The following SLC4A8 variants were observed in gnomAD, a reference collection of about 807,000 sequenced individuals.
SLC4A8 encodes the protein solute carrier family 4 member 8.
A neutral mutation model predicts 125.0 loss-of-function variants in SLC4A8; 40 were observed. That is an observed-to-expected ratio of 0.32 (90% CI 0.25 to 0.42). The LOEUF is 0.42. Ranked by LOEUF, SLC4A8 falls within the 10% of genes least tolerant of loss-of-function variation. The pLI, the probability that SLC4A8 is intolerant of heterozygous loss-of-function variation, is 1.00. For synonymous variants in SLC4A8, 456 were observed against 476.0 expected (o/e 0.96, Z 0.55); for missense variants, 863 against 1,355.1 (o/e 0.64, Z 5.70).
At chr12:51,500,060 A>G (rs896364851) in intron 22 of SLC4A8, among the ~76,000 whole-genome samples, 11 of 152,218 alleles carry the variant, frequency 7.2e-5, no homozygotes, top group African/African-American at 2.7e-4. Flanking sequence ...GATGGTGGGC[A>G]TGGGTGAAAG....
intron 18 of SLC4A8, 40 bp downstream of exon 18, chr12:51,488,900 C>T (rs746251130): frequency 6.4e-7 from 1 of 1,568,368 alleles, no homozygotes; most frequent in Non-Finnish European, 8.7e-7. Flanking sequence ...CTGTGGCAAC[C>T]TGTTACATTT....
intron 1 of SLC4A8, among the ~76,000 whole-genome samples, chr12:51,398,841 C>T (rs1948317052): frequency 6.6e-6 from 1 of 152,204 alleles, no homozygotes; most frequent in South Asian, 2.1e-4. Flanking sequence ...TCTCTGCCTC[C>T]CGGGTTCAAG....
At chr12:51,392,293 G>C (rs1171769848) in intron 1 of SLC4A8, among the ~76,000 whole-genome samples, 1 of 152,152 alleles carries the variant, frequency 6.6e-6, no homozygotes, top group African/African-American at 2.4e-5. Flanking sequence ...AGAAATTTTG[G>C]CCGGGCGCGG....
rs116087518 is a variant in SLC4A8, at chr12:51,427,221, A to G, written c.48+2186A>G. Among the ~76,000 whole-genome samples, 1,359 of 152,166 alleles carry G rather than the reference A, an allele frequency of 8.9e-3. 17 individuals carry two copies. Among genetic ancestry groups the G allele is most frequent in the African/African-American group, 0.031 (1,289 of 41,512 alleles). ...CCAAAGTGCTGGGATTACAGACGTGAGCCACCGTGCCCGGCCCAGATTTTC... is the reference window on the plus strand; with the variant it reads ...CCAAAGTGCTGGGATTACAGACGTGGGCCACCGTGCCCGGCCCAGATTTTC... On this transcript the variant is annotated intron_variant, in intron 1 of 24. Transcript: ENST00000453097.
chr12:51,472,977 C>G (rs141611678), intron 14 of SLC4A8, among the ~76,000 whole-genome samples: 1 of 152,128 alleles, frequency 6.6e-6, no homozygotes, highest in African/African-American at 2.4e-5. Context: ...CCAGCACACA[C>G]ACAGTCTCCC....
chr12:51,467,968 T>C (rs1180635553), intron 11 of SLC4A8, among the ~76,000 whole-genome samples: 2 of 152,240 alleles, frequency 1.3e-5, no homozygotes, highest in Non-Finnish European at 2.9e-5. Flanking sequence ...TATGATTGTG[T>C]TAGCAACATC....
chr12:51,411,189 T>A lies in SLC4A8; in HGVS notation c.-112+19701T>A, dbSNP rs191404808. Among the ~76,000 whole-genome samples, 66 of 152,224 alleles carry A rather than the reference T, an allele frequency of 4.3e-4. No homozygotes were observed. In the East Asian group the frequency reaches 0.011, roughly 26 times the overall value. On this transcript the variant is annotated intron_variant, in intron 1 of 24. Transcript: ENST00000358657. ...CATTTATGCTTTTTCTCCTTCCCTG[T>A]CCCTTCCCTATGCAATAATTTGGTT...
At chr12:51,406,847 G>A (rs1948498352) in intron 1 of SLC4A8, among the ~76,000 whole-genome samples, 1 of 152,206 alleles carries the variant, frequency 6.6e-6, no homozygotes, top group African/African-American at 2.4e-5. Context: ...GCAGGGGACT[G>A]CAGCTAATGA....
At chr12:51,492,564 G>A (rs1231770627) in intron 19 of SLC4A8, among the ~76,000 whole-genome samples, 1 of 152,146 alleles carries the variant, frequency 6.6e-6, no homozygotes, top group African/African-American at 2.4e-5. Context: ...AGCTGCTTCA[G>A]GACAATTCTC....
chr12:51,424,049 A>ACCAAAC (rs1948866867), upstream of SLC4A8, among the ~76,000 whole-genome samples: 1 of 51,892 alleles, frequency 1.9e-5, no homozygotes, highest in Non-Finnish European at 4.2e-5. Context: ...AAAAAAAAAA[A>ACCAAAC]AAAACAAAAA....
At chr12:51,438,901 T>C (rs768867799) in intron 1 of SLC4A8, among the ~76,000 whole-genome samples, 1 of 150,690 alleles carries the variant, frequency 6.6e-6, no homozygotes, top group Non-Finnish European at 1.5e-5. Flanking sequence ...TTTTTTCATA[T>C]ATTTGTTGAC....
At chr12:51,422,495 C>A (rs1030958599), upstream of SLC4A8, among the ~76,000 whole-genome samples, 2 of 152,174 alleles carry the variant, frequency 1.3e-5, no homozygotes, top group Non-Finnish European at 2.9e-5. Context: ...GCTGGGACTG[C>A]AGGTGCATGC....
intron 1 of SLC4A8, among the ~76,000 whole-genome samples, chr12:51,412,797 G>A (rs549287528): frequency 6.5e-4 from 99 of 152,298 alleles, no homozygotes; most frequent in African/African-American, 2.2e-3. Flanking sequence ...TCAGTTGTGT[G>A]TAAATACATT....
intron 1 of SLC4A8, among the ~76,000 whole-genome samples, chr12:51,417,325 A>G (rs1948703807): frequency 6.6e-6 from 1 of 150,698 alleles, no homozygotes; most frequent in African/African-American, 2.4e-5. Flanking sequence ...ACAAGTGTGC[A>G]ACACCACGGC....
chr12:51,439,065 T>A (rs1024055420), intron 1 of SLC4A8, among the ~76,000 whole-genome samples: 6 of 152,264 alleles, frequency 3.9e-5, no homozygotes, highest in Admixed American at 6.5e-5. Flanking sequence ...AGACTTTTTT[T>A]ATTTTTTTTG....
chr12:51,469,711 C>T lies in SLC4A8; in HGVS notation c.1447C>T (p.Leu483=), dbSNP rs190045159. 57 of 1,614,138 alleles carry T rather than the reference C, an allele frequency of 3.5e-5. No homozygotes were observed. In the Admixed American group the frequency reaches 4.5e-4, roughly 13 times the overall value. ...ALSLQCLASF[L]FLYCACMSPV... is the part of the protein sequence containing the mutation. The stretch of plus-strand genomic sequence containing the variant: ...CAGCTTACAGTGTTTGGCTTCCTTT[C>T]TGTTCCTGTACTGTGCCTGCATGTC... The change falls in exon 12 of 25, where the codon CTG becomes TTG. Residue 483 remains leucine, a synonymous_variant. Transcript: ENST00000453097.
chr12:51,488,813 C>G lies in SLC4A8; in HGVS notation c.2401C>G (p.Gln801Glu). The G allele has an allele frequency of 6.2e-7, 1 of 1,613,742 alleles. No homozygotes were observed. The highest frequency in any genetic ancestry group is 8.5e-7 in the Non-Finnish European group (1 of 1,179,714). ...LLCTILIFMD[Q>E]QITAVIINRK... is the part of the protein sequence containing the mutation. The stretch of plus-strand genomic sequence containing the variant: ...CTGTACTATCTTGATATTCATGGAT[C>G]AGCAGATCACAGCCGTCATTATTAA... Residue 801 changes from glutamine (Q) to glutamate (E), a missense_variant, in exon 18 of 25, where the codon CAG (glutamine) becomes GAG (glutamate). This residue lies in a region of SLC4A8 where 197 missense variants were observed against 377.7 expected (regional missense o/e 0.52). Transcript: ENST00000453097.
chr12:51,423,926 C>T (rs1157419689), upstream of SLC4A8, among the ~76,000 whole-genome samples: 4 of 151,484 alleles, frequency 2.6e-5, no homozygotes, highest in African/African-American at 9.7e-5. Context: ...ATCCCAGCTA[C>T]TCAGGAGGCT....
chr12:51,469,405 AG>A (rs1950624556), intron 11 of SLC4A8, among the ~76,000 whole-genome samples: 2 of 152,138 alleles, frequency 1.3e-5, no homozygotes, highest in African/African-American at 4.8e-5. Flanking sequence ...TTGTATGTTT[AG>A]GATATTCATT....
Sources: gnomAD v4.1 joint callset for allele counts (sites outside exome capture counted in the v4.1 genomes callset) on GRCh38, gnomAD v4.1.1 for gene constraint, gnomAD v4.1.1 regional missense constraint, MANE v1.5 for transcripts, NCBI Gene and HGNC (gene_info 2026-07-23, HGNC 2026-07-21) for gene names.